The following MTFR1 variants were observed in gnomAD, a reference collection of about 807,000 sequenced individuals.
MTFR1 encodes mitochondrial fission regulator 1.
MTFR1 carries 28 observed loss-of-function variants against 38.8 expected under a neutral mutation model. That is an observed-to-expected ratio of 0.72 (90% CI 0.53 to 0.99). The LOEUF is 0.99. MTFR1 is among the 50% of genes least tolerant of loss of function. MTFR1 has a pLI of 0.00. For synonymous variants in MTFR1, 145 were observed against 137.0 expected (o/e 1.06, Z -0.41); for missense variants, 358 against 395.5 (o/e 0.91, Z 0.81).
intron 3 of MTFR1, among the ~76,000 whole-genome samples, chr8:65,743,018 C>T (rs72666544): frequency 0.021 from 3,204 of 152,286 alleles, 55 homozygotes; most frequent in Non-Finnish European, 0.028. Flanking sequence ...ATCACCATGC[C>T]CCCAACTAGC....
chr8:65,732,989 A>T (rs985819269), intron 3 of MTFR1, among the ~76,000 whole-genome samples: 1 of 152,138 alleles, frequency 6.6e-6, no homozygotes. Flanking sequence ...AACTACAGGC[A>T]TGAGTCACCG....
chr8:65,749,945 G>C (rs1807856612), intron 3 of MTFR1, among the ~76,000 whole-genome samples: 1 of 152,202 alleles, frequency 6.6e-6, no homozygotes, highest in African/African-American at 2.4e-5. Flanking sequence ...CTAATGCAAA[G>C]GAATGTTAAG....
intron 3 of MTFR1, chr8:65,745,401 A>C: frequency 6.7e-7 from 1 of 1,499,420 alleles, no homozygotes; most frequent in Non-Finnish European, 9.3e-7. Flanking sequence ...CAAATTCTTC[A>C]CTTACCATTT....
intron 1 of MTFR1, among the ~76,000 whole-genome samples, chr8:65,645,691 TTCC>T (rs1563428222): frequency 1.9e-5 from 2 of 105,068 alleles, no homozygotes; most frequent in African/African-American, 8.4e-5. Flanking sequence ...ACGCCCGGCT[TTCC>T]CCCCCCCCCC....
intron 3 of MTFR1, among the ~76,000 whole-genome samples, chr8:65,752,540 T>A (rs1436877656): frequency 6.6e-6 from 1 of 152,208 alleles, no homozygotes; most frequent in East Asian, 1.9e-4. Flanking sequence ...TTTTTGCCCT[T>A]GTAAGTGACT....
At chr8:65,740,211 G>A (rs541316157) in intron 3 of MTFR1, among the ~76,000 whole-genome samples, 73 of 152,114 alleles carry the variant, frequency 4.8e-4, no homozygotes, top group Non-Finnish European at 6.9e-4. Flanking sequence ...GCAGAATATC[G>A]CTACAAACTC....
At chr8:65,756,272 C>T (rs1169806324) in intron 3 of MTFR1, among the ~76,000 whole-genome samples, 3 of 152,106 alleles carry the variant, frequency 2.0e-5, no homozygotes, top group Middle Eastern at 3.2e-3. Context: ...TGGAATTTAC[C>T]GAGCTTCTTG....
At chr8:65,745,389 G>C in intron 3 of MTFR1, 1 of 1,429,624 alleles carries the variant, frequency 7.0e-7, no homozygotes, top group Non-Finnish European at 9.9e-7. Flanking sequence ...ACTTGAGCAA[G>C]TCAAATTCTT....
chr8:65,762,393 T>C (rs1808541730), intron 3 of MTFR1, among the ~76,000 whole-genome samples: 1 of 152,156 alleles, frequency 6.6e-6, no homozygotes, highest in Admixed American at 6.5e-5. Flanking sequence ...TCTGCAGCAA[T>C]GGTCATTAGT....
chr8:65,716,159 AAAAAC>A (rs1806136034), intron 2 of MTFR1, among the ~76,000 whole-genome samples: 1 of 151,536 alleles, frequency 6.6e-6, no homozygotes, highest in Admixed American at 6.6e-5. Context: ...AAAAAAAAAA[AAAAAC>A]AAAAGGGCTA....
At chr8:65,751,706 G>A (rs1255460842) in intron 3 of MTFR1, among the ~76,000 whole-genome samples, 1 of 152,132 alleles carries the variant, frequency 6.6e-6, no homozygotes, top group Non-Finnish European at 1.5e-5. Context: ...TGGTCAGGCT[G>A]GTCTCGAACT....
chr8:65,729,576 A>AT (rs1004022545), intron 3 of MTFR1, among the ~76,000 whole-genome samples: 2 of 151,696 alleles, frequency 1.3e-5, no homozygotes, highest in Non-Finnish European at 2.9e-5. Flanking sequence ...AACAGATTCT[A>AT]TTTTTTTGTG....
intron 1 of MTFR1, among the ~76,000 whole-genome samples, chr8:65,659,162 T>C (rs573928127): frequency 4.6e-5 from 7 of 152,300 alleles, no homozygotes; most frequent in African/African-American, 1.4e-4. Context: ...CCCTTCTGTG[T>C]TTAACAAGGA....
intron 3 of MTFR1, among the ~76,000 whole-genome samples, chr8:65,749,119 G>A (rs1357929935): frequency 2.6e-5 from 4 of 152,220 alleles, no homozygotes; most frequent in East Asian, 3.9e-4. Flanking sequence ...GGAAGCACCC[G>A]CTCTGGCTTC....
intron 2 of MTFR1, among the ~76,000 whole-genome samples, chr8:65,681,583 AG>A (rs1804889546): frequency 6.6e-6 from 1 of 152,076 alleles, no homozygotes; most frequent in South Asian, 2.1e-4. Flanking sequence ...TTTCCTTTAA[AG>A]AGGGGTCATA....
chr8:65,702,392 C>T (rs1408317844), intron 4 of MTFR1, among the ~76,000 whole-genome samples: 4 of 150,606 alleles, frequency 2.7e-5, no homozygotes, highest in East Asian at 3.9e-4. Flanking sequence ...CTCCACTTCC[C>T]GGGTTCAAGC....
chr8:65,656,792 T>G (rs916578483), intron 1 of MTFR1, among the ~76,000 whole-genome samples: 1 of 151,374 alleles, frequency 6.6e-6, no homozygotes, highest in African/African-American at 2.4e-5. Flanking sequence ...TAAGCCACCA[T>G]GCCCGGCTGC....
chr8:65,754,704 C>A (rs1466380295), intron 3 of MTFR1, among the ~76,000 whole-genome samples: 4 of 150,102 alleles, frequency 2.7e-5, no homozygotes, highest in African/African-American at 9.7e-5. Flanking sequence ...CAGTGGCTCA[C>A]GCCTGTAATC....
chr8:65,738,422 C>T (rs1807247968), intron 3 of MTFR1, among the ~76,000 whole-genome samples: 1 of 152,132 alleles, frequency 6.6e-6, no homozygotes, highest in Non-Finnish European at 1.5e-5. Flanking sequence ...AGAAGTTCTC[C>T]TATCCACCTA....
Sources: allele counts gnomAD v4.1 joint callset (sites outside exome capture counted in the v4.1 genomes callset), GRCh38; gene constraint gnomAD v4.1.1; transcripts MANE v1.5; gene names NCBI Gene and HGNC (gene_info 2026-07-23, HGNC 2026-07-21).